Variants in LCP1 observed in about 807,000 individuals in gnomAD.
LCP1 encodes plastin-2.
In LCP1, 23 loss-of-function variants were observed where a neutral mutation model predicts 72.0. That is an observed-to-expected ratio of 0.32 (90% CI 0.23 to 0.45). The LOEUF (loss-of-function observed/expected upper bound fraction) is 0.45, where lower values mean the gene tolerates loss of function less well. LCP1 is among the 20% of genes least tolerant of loss of function. LCP1 has a pLI of 1.00. For missense variants in LCP1, 571 were observed against 748.3 expected (o/e 0.76, Z 2.76); for synonymous variants, 245 against 275.4 (o/e 0.89, Z 1.09).
At chr13:46,151,764 T>C (rs1036326567) in intron 7 of LCP1, among the ~76,000 whole-genome samples, 2 of 152,206 alleles carry the variant, frequency 1.3e-5, no homozygotes, top group African/African-American at 4.8e-5. Context: ...TTTGGACATA[T>C]AAATAAAAAA....
chr13:46,165,294 A>C (rs975080066), intron 1 of LCP1, among the ~76,000 whole-genome samples: 2 of 152,068 alleles, frequency 1.3e-5, no homozygotes, highest in Non-Finnish European at 2.9e-5. Context: ...GGATCACTTG[A>C]ACCCAGGAAG....
Position 46,126,748 on chromosome 13 carries a change from T to G in LCP1, c.*843A>C, listed in dbSNP as rs906756842. The G allele has an allele frequency of 2.6e-5, 6 of 231,074 alleles. No individual in the cohort carries two copies. The highest frequency in any genetic ancestry group is 8.9e-5 in the African/African-American group (4 of 45,168). The allele number at this position is 231,074 out of a possible 1,614,324, so 14.3% of individuals were successfully genotyped here. A position where few individuals can be genotyped will look rare whatever the true frequency, so the allele number is the denominator to read the frequency against. On this transcript the variant is annotated 3_prime_UTR_variant, in exon 16 of 16. Transcript: ENST00000323076. ...GTTATAGCTCCATGCTGCCGCCGAGTGGCTTGATGCTCCATTACACCCTCC... is the reference window on the plus strand; with the variant it reads ...GTTATAGCTCCATGCTGCCGCCGAGGGGCTTGATGCTCCATTACACCCTCC...
chr13:46,152,999 T>A, intron 6 of LCP1, 54 bp from the exon 7 acceptor site: 1 of 1,502,056 alleles, frequency 6.7e-7, no homozygotes, highest in Non-Finnish European at 9.1e-7. Flanking sequence ...AGATGCCAAA[T>A]AATACCGATG....
chr13:46,181,846 A>G (rs1392880753), intron 1 of LCP1, among the ~76,000 whole-genome samples: 1 of 152,226 alleles, frequency 6.6e-6, no homozygotes, highest in African/African-American at 2.4e-5. Context: ...AAAAGGAAAA[A>G]GAAACCTTAA....
intron 4 of LCP1, 105 bp from the exon 5 acceptor site, chr13:46,156,675 G>T: frequency 8.2e-7 from 1 of 1,217,428 alleles, no homozygotes; most frequent in Non-Finnish European, 1.2e-6. Context: ...AGAGATGTGA[G>T]TTTATTCAGT....
Position 46,150,440 on chromosome 13 carries a change from C to A in LCP1, c.882+496G>T, listed in dbSNP as rs1195450943. 2.6e-5 allele frequency among the ~76,000 whole-genome samples: 4 copies of A among 152,160 alleles called. No homozygotes were observed. The East Asian group carries it at 5.8e-4, about 22-fold the overall frequency. ...TAAAATGAGAGGATAATAACCCTTA[C>A]CTCATGGGGTTGTTGTAAGGATTCA... is the stretch of plus-strand genomic sequence containing the variant. On this transcript the variant is annotated intron_variant, in intron 8 of 15. Coordinates refer to ENST00000323076, the MANE Select transcript of LCP1 (RefSeq NM_002298.5).
chr13:46,134,431 C>T (rs142726691), intron 13 of LCP1, among the ~76,000 whole-genome samples, 181 bp from the exon 14 acceptor site: 142 of 151,970 alleles, frequency 9.3e-4, no homozygotes, highest in African/African-American at 2.9e-3. Context: ...TAACTTAAGA[C>T]GTGACTTTAT....
chr13:46,141,141 C>T (rs1357831638), intron 13 of LCP1, among the ~76,000 whole-genome samples: 6 of 152,126 alleles, frequency 3.9e-5, no homozygotes, highest in Non-Finnish European at 5.9e-5. Context: ...GGCATGGTGG[C>T]TCATGCCTGT....
chr13:46,159,194 A>G (rs2045822663), intron 2 of LCP1: 2 of 572,538 alleles, frequency 3.5e-6, no homozygotes, highest in Non-Finnish European at 6.2e-6. Context: ...CATCCACAGT[A>G]AAAGAGTCAT....
chr13:46,177,415 G>A (rs2045936609), intron 1 of LCP1, among the ~76,000 whole-genome samples: 1 of 152,196 alleles, frequency 6.6e-6, no homozygotes, highest in African/African-American at 2.4e-5. Flanking sequence ...GCCGAGGCAG[G>A]CAGATCACGA....
chr13:46,170,998 C>T (rs1389396647), intron 1 of LCP1, among the ~76,000 whole-genome samples: 2 of 152,132 alleles, frequency 1.3e-5, no homozygotes, highest in Non-Finnish European at 2.9e-5. Flanking sequence ...TTTCTTCATT[C>T]ATCAGAGACT....
chr13:46,160,440 T>C (rs992463955), intron 1 of LCP1, among the ~76,000 whole-genome samples: 2 of 152,234 alleles, frequency 1.3e-5, no homozygotes, highest in East Asian at 3.8e-4. Flanking sequence ...TTCGTGTTCA[T>C]ATTTAAAATT....
intron 1 of LCP1, among the ~76,000 whole-genome samples, chr13:46,175,075 G>C (rs1266605921): frequency 6.6e-6 from 1 of 152,132 alleles, no homozygotes; most frequent in Non-Finnish European, 1.5e-5. Context: ...TGTGACCCCA[G>C]ACAAGTCACT....
intron 15 of LCP1, among the ~76,000 whole-genome samples, chr13:46,128,990 G>C (rs11618380): frequency 0.17 from 25,161 of 152,020 alleles, 2,461 homozygotes; most frequent in Non-Finnish European, 0.21. Flanking sequence ...ATTAAATTAA[G>C]AGCATCAGGC....
At chr13:46,174,834 C>CAAAAAAAA (rs398056355) in intron 1 of LCP1, among the ~76,000 whole-genome samples, 9 of 82,224 alleles carry the variant, frequency 1.1e-4, no homozygotes, top group African/African-American at 1.3e-4. Flanking sequence ...ACTCCATCTT[C>CAAAAAAAA]AAAAAAAAAA....
At chr13:46,155,114 C>A (rs1343414366) in intron 5 of LCP1, among the ~76,000 whole-genome samples, 1 of 152,210 alleles carries the variant, frequency 6.6e-6, no homozygotes, top group Non-Finnish European at 1.5e-5. Flanking sequence ...GAGGACCCCA[C>A]TTCATTCTCC....
chr13:46,151,203 G>C, intron 7 of LCP1, 125 bp from the exon 8 acceptor site: 1 of 863,200 alleles, frequency 1.2e-6, no homozygotes, highest in Non-Finnish European at 1.7e-6. Context: ...TGGGGTAAAG[G>C]TTCTTGTAGC....
At chr13:46,151,178 A>G (rs1273762363) in intron 7 of LCP1, 100 bp from the exon 8 acceptor site, 1 of 1,167,326 alleles carries the variant, frequency 8.6e-7, no homozygotes, top group Non-Finnish European at 1.2e-6. Flanking sequence ...GCTAAAGATA[A>G]CAACGTTACC....
At chr13:46,140,762 T>C (rs1234967378) in intron 13 of LCP1, among the ~76,000 whole-genome samples, 1 of 152,126 alleles carries the variant, frequency 6.6e-6, no homozygotes, top group Non-Finnish European at 1.5e-5. Context: ...ATGGGAAATA[T>C]AAAAATGACT....
Sources: allele counts gnomAD v4.1 joint callset (sites outside exome capture counted in the v4.1 genomes callset), GRCh38; gene constraint gnomAD v4.1.1; transcripts MANE v1.5; gene names NCBI Gene and HGNC (gene_info 2026-07-23, HGNC 2026-07-21).